ST7: variants seen among roughly 807,000 people sequenced by gnomAD.
The protein encoded by ST7 is suppressor of tumorigenicity 7 protein.
ST7 carries 28 observed loss-of-function variants against 78.7 expected under a neutral mutation model. That is an observed-to-expected ratio of 0.36 (90% CI 0.26 to 0.49). The LOEUF (loss-of-function observed/expected upper bound fraction) is 0.49, where lower values mean the gene tolerates loss of function less well. ST7 is among the 20% of genes least tolerant of loss of function. ST7 has a pLI of 0.99. For missense variants in ST7, 418 were observed against 696.0 expected, an observed-to-expected ratio of 0.60 and a Z score of 4.49; for synonymous variants, 247 against 249.6, an observed-to-expected ratio of 0.99 and a Z score of 0.10.
intron 1 of ST7, among the ~76,000 whole-genome samples, chr7:116,994,895 A>C (rs762153349): frequency 6.6e-6 from 1 of 152,194 alleles, no homozygotes; most frequent in Non-Finnish European, 1.5e-5. Context: ...GCTCTTTCAT[A>C]CTTACTTTTC....
intron 1 of ST7, among the ~76,000 whole-genome samples, chr7:117,033,310 A>T (rs1432366485): frequency 6.6e-6 from 1 of 152,162 alleles, no homozygotes. Context: ...AAACTTATTA[A>T]GTTTGGTTCC....
In ST7 at chr7:116,973,033, TTCATGGATA is replaced by T. The variant is rs991779955; in HGVS notation, c.151+19344_151+19352del. On this transcript the variant is annotated intron_variant, in intron 1 of 15. Coordinates refer to ENST00000323984, the MANE Select transcript of ST7 (RefSeq NM_001369598.1). ...ATTCATTTGTTTATAGCAGTATGGA[TTCATGGATA>T]TTTATTTTATACAGGTTATAATCCA... 3.7e-5 allele frequency: 25 copies of T among 672,796 alleles called. No individual in the cohort carries two copies. The African/African-American group carries it at 3.9e-4, about 10-fold the overall frequency. The allele number at this position is 672,796 out of a possible 1,614,324, so 41.7% of individuals were successfully genotyped here. A position where few individuals can be genotyped will look rare whatever the true frequency, so the allele number is the denominator to read the frequency against.
chr7:117,154,097 T>C (rs1404681871), intron 9 of ST7, among the ~76,000 whole-genome samples: 1 of 152,122 alleles, frequency 6.6e-6, no homozygotes. Flanking sequence ...CTCCCCAAAT[T>C]CATATGCCAA....
chr7:117,177,224 G>T (rs1360385185), intron 10 of ST7, among the ~76,000 whole-genome samples: 1 of 152,098 alleles, frequency 6.6e-6, no homozygotes, highest in African/African-American at 2.4e-5. Flanking sequence ...AGACTGTCAG[G>T]GATGAACTAT....
intron 9 of ST7, among the ~76,000 whole-genome samples, chr7:117,140,993 C>G (rs1278902529): frequency 6.6e-6 from 1 of 152,126 alleles, no homozygotes; most frequent in Non-Finnish European, 1.5e-5. Flanking sequence ...AGTTGTTGGC[C>G]AGGCCTAATT....
At chr7:117,091,140 A>G (rs374641473) in intron 1 of ST7, among the ~76,000 whole-genome samples, 185 of 152,326 alleles carry the variant, frequency 1.2e-3, no homozygotes, top group Middle Eastern at 3.4e-3. Context: ...TGCCATAGGA[A>G]TGGGTCTAAA....
chr7:117,107,129 G>A (rs969522113), intron 2 of ST7, among the ~76,000 whole-genome samples: 1 of 151,758 alleles, frequency 6.6e-6, no homozygotes, highest in Non-Finnish European at 1.5e-5. Flanking sequence ...ATATATATAT[G>A]TATACATACA....
At chr7:117,003,075 C>T (rs929895892) in intron 1 of ST7, among the ~76,000 whole-genome samples, 3 of 151,904 alleles carry the variant, frequency 2.0e-5, no homozygotes, top group African/African-American at 7.3e-5. Flanking sequence ...CCACCTGCCT[C>T]AGCCTCCCAA....
chr7:117,041,796 T>C (rs1359420544), intron 1 of ST7, among the ~76,000 whole-genome samples: 1 of 152,148 alleles, frequency 6.6e-6, no homozygotes, highest in Non-Finnish European at 1.5e-5. Context: ...CCTGTGGATA[T>C]GTTATATTAA....
At chr7:117,116,055 A>T (rs929376990) in intron 2 of ST7, among the ~76,000 whole-genome samples, 2 of 152,168 alleles carry the variant, frequency 1.3e-5, no homozygotes, top group African/African-American at 4.8e-5. Flanking sequence ...TAGCCCAGCT[A>T]TCTAGTTTAA....
intron 12 of ST7, among the ~76,000 whole-genome samples, chr7:117,198,747 G>A (rs954339229): frequency 2.6e-5 from 4 of 152,016 alleles, no homozygotes; most frequent in Non-Finnish European, 4.4e-5. Context: ...GGTGGAACAG[G>A]CCTGAAAGCC....
intron 2 of ST7, among the ~76,000 whole-genome samples, chr7:117,113,188 G>C (rs1448068585): frequency 1.3e-5 from 2 of 152,214 alleles, no homozygotes; most frequent in Admixed American, 6.5e-5. Context: ...AATCAGTAAA[G>C]ACCTAAGGAC....
At chr7:117,026,619 A>G (rs1796194523) in intron 1 of ST7, among the ~76,000 whole-genome samples, 1 of 152,246 alleles carries the variant, frequency 6.6e-6, no homozygotes. Flanking sequence ...AACTAATTGC[A>G]GAGACTCTGG....
At chr7:116,971,179 C>G (rs1338191092) in intron 1 of ST7, among the ~76,000 whole-genome samples, 1 of 152,152 alleles carries the variant, frequency 6.6e-6, no homozygotes, top group East Asian at 1.9e-4. Flanking sequence ...CAGGGTGTCA[C>G]AAACCCAAAG....
chr7:117,002,007 C>T lies in ST7; in HGVS notation c.151+48316C>T, dbSNP rs563944994. ...TTGGGAGGCTGAGGCGGACGGATCA[C>T]GAGGTCAAGAGATCAAGACCATCCT... On this transcript the variant is annotated intron_variant, in intron 1 of 15. Coordinates refer to ENST00000323984, the MANE Select transcript of ST7 (RefSeq NM_001369598.1). Among the ~76,000 whole-genome samples the T allele has an allele frequency of 5.9e-5, 9 of 152,154 alleles. No individual in the cohort carries two copies. In the East Asian group the frequency reaches 1.2e-3, roughly 20 times the overall value.
chr7:117,053,817 G>A (rs1797917123), intron 1 of ST7, among the ~76,000 whole-genome samples: 7 of 151,492 alleles, frequency 4.6e-5, no homozygotes, highest in Admixed American at 4.6e-4. Flanking sequence ...GTTCTTCATG[G>A]GTGAAGAACA....
At chr7:116,995,042 A>T (rs917208362) in intron 1 of ST7, among the ~76,000 whole-genome samples, 3 of 152,022 alleles carry the variant, frequency 2.0e-5, no homozygotes, top group Admixed American at 6.6e-5. Context: ...GGGGGACTTA[A>T]GGAGAGTGAC....
At chr7:117,004,586 G>A (rs1012241770) in intron 1 of ST7, among the ~76,000 whole-genome samples, 2 of 151,992 alleles carry the variant, frequency 1.3e-5, no homozygotes, top group Non-Finnish European at 1.5e-5. Context: ...GCTTGATCCC[G>A]GGAGGCGGAG....
At chr7:117,195,107 A>G in intron 12 of ST7, among the ~76,000 whole-genome samples, 1 of 152,150 alleles carries the variant, frequency 6.6e-6, no homozygotes. Context: ...CATATTTAAG[A>G]CTATTTCTAG....
Sources: gnomAD v4.1 joint callset for allele counts (sites outside exome capture counted in the v4.1 genomes callset) on GRCh38, gnomAD v4.1.1 for gene constraint, MANE v1.5 for transcripts, NCBI Gene and HGNC (gene_info 2026-07-23, HGNC 2026-07-21) for gene names.